TRPC6: variants seen among roughly 807,000 people sequenced by gnomAD.
The protein encoded by TRPC6 is short transient receptor potential channel 6.
Under a neutral mutation model 90.7 loss-of-function variants are expected in TRPC6, and 55 were observed. The observed-to-expected ratio is 0.61, with a 90% confidence interval of 0.49 to 0.76. The LOEUF is 0.76. TRPC6 is among the 30% of genes least tolerant of loss of function. The pLI is 0.00. For synonymous variants in TRPC6, 393 were observed against 393.0 expected, an observed-to-expected ratio of 1.00 and a Z score of 0.00; for missense variants, 989 against 1,122.7, an observed-to-expected ratio of 0.88 and a Z score of 1.70.
chr11:101,491,184 C>A (rs1022051846), intron 3 of TRPC6, among the ~76,000 whole-genome samples: 1 of 152,080 alleles, frequency 6.6e-6, no homozygotes, highest in Non-Finnish European at 1.5e-5. Flanking sequence ...CAGTGGCTCA[C>A]GCCTGCAATC....
At chr11:101,551,511 G>GAA (rs78561503) in intron 1 of TRPC6, among the ~76,000 whole-genome samples, 24 of 150,638 alleles carry the variant, frequency 1.6e-4, no homozygotes, top group African/African-American at 4.4e-4. Flanking sequence ...ACATTCTTTA[G>GAA]AAAAAAAAAC....
At chr11:101,454,255 AAAG>A (rs1858833162) in intron 11 of TRPC6, among the ~76,000 whole-genome samples, 1 of 152,120 alleles carries the variant, frequency 6.6e-6, no homozygotes, top group Non-Finnish European at 1.5e-5. Flanking sequence ...TTTTTCATAA[AAAG>A]AAGGAGTCTT....
rs181017191 is a variant in TRPC6, at chr11:101,544,461, C to T, written c.170+38873G>A. The stretch of plus-strand genomic sequence containing the variant: ...TTTATTGTGGCAATGTTCACAATAG[C>T]AAAGACCTGGAACCAACCCAAATAC... On this transcript the variant is annotated intron_variant, in intron 1 of 12. Transcript: ENST00000344327. Among the ~76,000 whole-genome samples the T allele has an allele frequency of 2.2e-4, 34 of 152,236 alleles. No individual in the cohort carries two copies. The East Asian group carries it at 6.4e-3, about 28-fold the overall frequency.
intron 1 of TRPC6, among the ~76,000 whole-genome samples, chr11:101,535,527 C>A (rs1861025748): frequency 6.6e-6 from 1 of 152,014 alleles, no homozygotes; most frequent in Non-Finnish European, 1.5e-5. Context: ...TTATTCTGAA[C>A]CTTTATGTTC....
chr11:101,499,586 GTA>G lies in TRPC6; in HGVS notation c.945+4436_945+4437del, dbSNP rs1555002836. 4.8e-4 allele frequency among the ~76,000 whole-genome samples: 22 copies of G among 45,606 alleles called. 1 individual carries two copies. The highest frequency in any genetic ancestry group is 2.7e-3 in the African/African-American group (22 of 8,016). 29.9% of individuals were successfully genotyped at this position (45,606 alleles called of 152,430 possible). A position where few individuals can be genotyped will look rare whatever the true frequency, so the allele number is the denominator to read the frequency against. On this transcript the variant is annotated intron_variant, in intron 2 of 12. Transcript: ENST00000344327. ...ATATACATAAATGGTGTATATATAC[GTA>G]TATATATACGTATATATGGTATATA...
chr11:101,501,404 A>C (rs1304714765), intron 2 of TRPC6, among the ~76,000 whole-genome samples: 1 of 152,088 alleles, frequency 6.6e-6, no homozygotes, highest in Non-Finnish European at 1.5e-5. Flanking sequence ...GCTATATATT[A>C]CTTTAAAGTA....
At chr11:101,566,779 G>A (rs1165521558) in intron 1 of TRPC6, among the ~76,000 whole-genome samples, 1 of 152,196 alleles carries the variant, frequency 6.6e-6, no homozygotes, top group African/African-American at 2.4e-5. Context: ...AGTGCAAGGG[G>A]TCGGGGAACT....
At position 101,524,121 on chromosome 11, in the gene TRPC6, T is replaced by C. The variant is rs532752808; in HGVS notation, c.171-19323A>G. On this transcript the variant is annotated intron_variant, in intron 1 of 12. Transcript: ENST00000344327. ...CCTCCAATGTAAAAGTAGCCTCTCATTCATTTTACTTTTTGTATTCACAAC... is the reference window on the plus strand; with the variant it reads ...CCTCCAATGTAAAAGTAGCCTCTCACTCATTTTACTTTTTGTATTCACAAC... 5.3e-5 allele frequency among the ~76,000 whole-genome samples: 8 copies of C among 152,352 alleles called. No homozygotes were observed. In the East Asian group the frequency reaches 1.5e-3, roughly 29 times the overall value.
intron 4 of TRPC6, among the ~76,000 whole-genome samples, chr11:101,484,593 CTATGTG>C (rs1356389398): frequency 6.9e-5 from 6 of 87,208 alleles, no homozygotes; most frequent in African/African-American, 2.5e-4. Flanking sequence ...CTCTCTCATG[CTATGTG>C]TGTGTGTGTG....
intron 10 of TRPC6, among the ~76,000 whole-genome samples, chr11:101,461,495 C>CT (rs1243938920): frequency 6.6e-6 from 1 of 152,134 alleles, no homozygotes; most frequent in Non-Finnish European, 1.5e-5. Flanking sequence ...TCACCTGAGC[C>CT]TGGGAGGTCC....
At chr11:101,495,637 ATT>A (rs1178029122) in intron 2 of TRPC6, among the ~76,000 whole-genome samples, 2 of 146,272 alleles carry the variant, frequency 1.4e-5, no homozygotes, top group Admixed American at 1.4e-4. Flanking sequence ...TATTATTATC[ATT>A]GTTTTCATTA....
chr11:101,572,419 A>T (rs530803049), intron 1 of TRPC6, among the ~76,000 whole-genome samples: 1 of 152,298 alleles, frequency 6.6e-6, no homozygotes, highest in East Asian at 1.9e-4. Context: ...TGGGAGTGTA[A>T]ACTAGTTCAA....
chr11:101,581,071 T>C (rs1383970684), intron 1 of TRPC6, among the ~76,000 whole-genome samples: 1 of 152,218 alleles, frequency 6.6e-6, no homozygotes, highest in African/African-American at 2.4e-5. Context: ...TAGATTCATA[T>C]AAAACCAAAC....
Position 101,504,188 on chromosome 11 carries a change from T to C in TRPC6, c.781A>G (p.Lys261Glu), listed in dbSNP as rs1860197889. 1 of 1,614,062 alleles carries C rather than the reference T, an allele frequency of 6.2e-7. No individual in the cohort carries two copies. Among genetic ancestry groups the C allele is most frequent in the African/African-American group, 1.3e-5 (1 of 74,934 alleles). The change falls in exon 2 of 13, where the codon AAA (lysine) becomes GAA (glutamate). Residue 261 changes from lysine (K) to glutamate (E), a missense_variant. By Grantham distance (56) the Lys-to-Glu change is moderately conservative. Coordinates refer to ENST00000344327, the MANE Select transcript of TRPC6 (RefSeq NM_004621.6). ...YFCKCNDCNQ[K>E]QKHDSFSHSR... ...TGGCTAAACGAGTCATGCTTCTGTT[T>C]CTGGTTGCAGTCATTGCACTTGCAG...
intron 10 of TRPC6, among the ~76,000 whole-genome samples, chr11:101,463,116 G>A (rs189384090): frequency 4.1e-4 from 62 of 152,200 alleles, no homozygotes; most frequent in Non-Finnish European, 4.7e-4. Context: ...TACGTTTATC[G>A]ATTTGCGTAT....
Position 101,472,223 on chromosome 11 carries a change from G to T in TRPC6, c.2119C>A (p.Leu707Ile), listed in dbSNP as rs1565207183. Residue 707 changes from leucine to isoleucine, a missense_variant, in exon 8 of 13, where the codon CTT (leucine) becomes ATT (isoleucine). Physicochemically the swap from Leu to Ile is conservative, Grantham distance 5. Around this residue, in one of 4 missense-constraint regions of TRPC6, gnomAD observed 118 missense variants for 197.6 expected, o/e 0.60. Coordinates refer to ENST00000344327, the MANE Select transcript of TRPC6 (RefSeq NM_004621.6). ...ATCGTAACATTATAGACTCCATAAA[G>T]AACGTAACCAATGTTTTCAATGAAT... ...HKFIENIGYVLYGVYNVTMVI... is the reference protein window; with the variant it reads ...HKFIENIGYVIYGVYNVTMVI... 1 of 1,613,000 alleles carries T rather than the reference G, an allele frequency of 6.2e-7. No homozygotes were observed. The highest frequency in any genetic ancestry group is 8.5e-7 in the Non-Finnish European group (1 of 1,179,510).
rs944399874 is a variant in TRPC6 at position 101,503,882 on chromosome 11, T to C, written c.945+142A>G. Reference sequence around the variant, plus strand: ...ATCACAACTTTTGCTACAATGATTATAATAAAGAGCTTGTTGAATAAACTT... The same window carrying C: ...ATCACAACTTTTGCTACAATGATTACAATAAAGAGCTTGTTGAATAAACTT... On this transcript the variant is annotated intron_variant, in intron 2 of 12. Coordinates refer to ENST00000344327, the MANE Select transcript of TRPC6 (RefSeq NM_004621.6). 6 of 1,050,070 alleles carry C rather than the reference T, an allele frequency of 5.7e-6. No homozygotes were observed. The African/African-American group carries it at 7.9e-5, about 14-fold the overall frequency. 65.0% of individuals were successfully genotyped at this position (1,050,070 alleles called of 1,614,324 possible).
intron 4 of TRPC6, among the ~76,000 whole-genome samples, chr11:101,485,346 A>G: frequency 6.6e-6 from 1 of 152,090 alleles, no homozygotes; most frequent in East Asian, 1.9e-4. Context: ...AACAAATGGT[A>G]TAAAAAGTAA....
At chr11:101,474,473 T>C (rs1859367733) in intron 6 of TRPC6, among the ~76,000 whole-genome samples, 1 of 152,114 alleles carries the variant, frequency 6.6e-6, no homozygotes, top group South Asian at 2.1e-4. Flanking sequence ...GGGAAAAACA[T>C]AATTACAAAT....
Sources: gnomAD v4.1 joint callset for allele counts (sites outside exome capture counted in the v4.1 genomes callset) on GRCh38, gnomAD v4.1.1 for gene constraint, gnomAD v4.1.1 regional missense constraint, MANE v1.5 for transcripts, NCBI Gene and HGNC (gene_info 2026-07-23, HGNC 2026-07-21) for gene names.